Variants in CENPS observed in about 807,000 individuals in gnomAD.
CENPS encodes the protein centromere protein S.
CENPS carries 16 observed loss-of-function variants against 17.9 expected under a neutral mutation model. The ratio of observed to expected loss-of-function variants is 0.90; its 90% CI spans 0.61 to 1.36. The LOEUF is 1.36. CENPS is among the 40% of genes most tolerant of loss of function. CENPS has a pLI of 0.00. For synonymous variants in CENPS, 49 were observed against 55.8 expected, an observed-to-expected ratio of 0.88 and a Z score of 0.54; for missense variants, 160 against 158.6, an observed-to-expected ratio of 1.01 and a Z score of -0.05.
intron 1 of CENPS, among the ~76,000 whole-genome samples, chr1:10,432,942 C>T (rs1366134329): frequency 6.6e-6 from 1 of 152,148 alleles, no homozygotes; most frequent in African/African-American, 2.4e-5. Flanking sequence ...GTCTGAAATT[C>T]AGGAAAGTAG....
chr1:10,438,391 C>A (rs1352124700), intron 3 of CENPS, among the ~76,000 whole-genome samples: 1 of 151,770 alleles, frequency 6.6e-6, no homozygotes, highest in African/African-American at 2.4e-5. Context: ...ATGATCCACC[C>A]ACCTCGGCCT....
chr1:10,432,111 T>G (rs678850), intron 1 of CENPS, among the ~76,000 whole-genome samples: 86,939 of 151,424 alleles, frequency 0.57, 26,111 homozygotes, highest in African/African-American at 0.76. Context: ...TTTTGAAACG[T>G]AGTTTCACTC....
intron 4 of CENPS, 75 bp from the exon 5 acceptor site, chr1:10,442,190 T>C (rs1056136993): frequency 2.0e-6 from 3 of 1,516,440 alleles, no homozygotes; most frequent in Non-Finnish European, 2.6e-6. Flanking sequence ...GTGGAGGGTT[T>C]AGTTTCGTTT....
intron 4 of CENPS, among the ~76,000 whole-genome samples, chr1:10,441,921 G>T (rs577546498): frequency 6.6e-6 from 1 of 151,964 alleles, no homozygotes. Flanking sequence ...CACCGCACCC[G>T]ACCTCTGGCC....
rs1640067308 is a variant in CENPS at position 10,434,638 on chromosome 1, T to A, written c.176-19T>A. 6.2e-7 allele frequency: 1 copy of A among 1,602,534 alleles called. No homozygotes were observed. Among genetic ancestry groups the A allele is most frequent in the African/African-American group, 1.4e-5 (1 of 73,880 alleles). On this transcript the variant is annotated intron_variant, in intron 2 of 4. Coordinates refer to ENST00000309048, the MANE Select transcript of CENPS (RefSeq NM_199294.3). ...GATGGGAGGGTGCCTAAAGTGTGTATCTTTTTTTTCTCTTTCAGAAAATTT... is the reference window on the plus strand; with the variant it reads ...GATGGGAGGGTGCCTAAAGTGTGTAACTTTTTTTTCTCTTTCAGAAAATTT...
intron 1 of CENPS, 150 bp downstream of exon 1, chr1:10,430,718 G>C (rs527659209): frequency 1.7e-5 from 24 of 1,414,786 alleles, no homozygotes; most frequent in Non-Finnish European, 2.2e-5. Flanking sequence ...TAACTGCCGC[G>C]GGTGGTGCTG....
At chr1:10,435,714 T>G (rs372494304) in intron 3 of CENPS, among the ~76,000 whole-genome samples, 12 of 144,122 alleles carry the variant, frequency 8.3e-5, no homozygotes, top group Non-Finnish European at 1.8e-4. Context: ...TATATATATA[T>G]ATACACACAC....
rs1023805007 is a variant in CENPS at position 10,440,986 on chromosome 1, G to A, written c.276+573G>A. Among the ~76,000 whole-genome samples the A allele has an allele frequency of 3.3e-5, 5 of 152,328 alleles. No individual in the cohort carries two copies. The East Asian group carries it at 9.6e-4, about 29-fold the overall frequency. On this transcript the variant is annotated intron_variant, in intron 4 of 4. Transcript: ENST00000309048. ...AGACATTAAAGCACGTGATGGCTGT[G>A]ATAGAATGTGGGCCCCACAAGAGCA...
chr1:10,442,512 AAAAT>A lies in CENPS; in HGVS notation c.*111_*114del, dbSNP rs1640460569. On this transcript the variant is annotated 3_prime_UTR_variant, in exon 5 of 5. Transcript: ENST00000309048. ...GGGTTAAATAGAGATTTAAAAAAAT[AAAAT>A]AAAAAGGCTGGGCTAGGGTGCTTTT... The A allele has an allele frequency of 5.1e-6, 7 of 1,359,972 alleles. No individual in the cohort carries two copies. Among genetic ancestry groups the A allele is most frequent in the Non-Finnish European group, 5.7e-6 (6 of 1,054,422 alleles). 84.2% of individuals were successfully genotyped at this position (1,359,972 alleles called of 1,614,324 possible). A position where few individuals can be genotyped will look rare whatever the true frequency, so the allele number is the denominator to read the frequency against.
intron 3 of CENPS, among the ~76,000 whole-genome samples, chr1:10,435,716 T>TACAC (rs60607643): frequency 9.1e-5 from 13 of 142,570 alleles, no homozygotes; most frequent in Middle Eastern, 3.2e-3. Context: ...TATATATATA[T>TACAC]ACACACACAC....
chr1:10,440,931 CG>C (rs1640379043), intron 4 of CENPS, among the ~76,000 whole-genome samples: 1 of 152,192 alleles, frequency 6.6e-6, no homozygotes, highest in Non-Finnish European at 1.5e-5. Flanking sequence ...GCCAGGACAG[CG>C]GGGAGCTTTC....
Position 10,440,101 on chromosome 1 carries a change from T to A in CENPS, c.210-246T>A, listed in dbSNP as rs1036669139. The A allele has an allele frequency of 5.7e-6, 3 of 525,306 alleles. No individual in the cohort carries two copies. In the African/African-American group the frequency reaches 5.9e-5, roughly 10 times the overall value. The allele number at this position is 525,306 out of a possible 1,614,324, so 32.5% of individuals were successfully genotyped here. On this transcript the variant is annotated intron_variant, in intron 3 of 4. Coordinates refer to ENST00000309048, the MANE Select transcript of CENPS (RefSeq NM_199294.3). Reference sequence around the variant, plus strand: ...CAGCCTCCTGTCTGTGCTCTTATGCTTCGGGTACCCTTGGCCCTAAGCGGA... The same window carrying A: ...CAGCCTCCTGTCTGTGCTCTTATGCATCGGGTACCCTTGGCCCTAAGCGGA...
rs1407293089 is a variant in CENPS at position 10,430,474 on chromosome 1, C to T, written c.-44C>T. 1 of 1,530,540 alleles carries T rather than the reference C, an allele frequency of 6.5e-7. No homozygotes were observed. The highest frequency in any genetic ancestry group is 8.8e-7 in the Non-Finnish European group (1 of 1,139,524). 94.8% of individuals were successfully genotyped at this position (1,530,540 alleles called of 1,614,324 possible). On this transcript the variant is annotated 5_prime_UTR_variant, in exon 1 of 5. Transcript: ENST00000309048. ...ATCCGACCTGGCCGCGCACCACCGC[C>T]CCTTCTCGGCCCTCCTGCGTTTGCC...
At chr1:10,431,078 G>C in intron 1 of CENPS, 2 of 1,379,022 alleles carry the variant, frequency 1.5e-6, no homozygotes, top group Non-Finnish European at 1.9e-6. Context: ...GCCAACTTGT[G>C]ATCGTATCGA....
intron 3 of CENPS, 30 bp from the exon 4 acceptor site, chr1:10,440,317 T>G (rs557068554): frequency 3.7e-6 from 6 of 1,609,200 alleles, no homozygotes; most frequent in Non-Finnish European, 5.1e-6. Flanking sequence ...TACCAAACAT[T>G]TTGGTGACTT....
chr1:10,430,754 C>G, intron 1 of CENPS, 186 bp downstream of exon 1: 1 of 1,401,418 alleles, frequency 7.1e-7, no homozygotes, highest in Non-Finnish European at 9.3e-7. Context: ...GGCAACGCGG[C>G]TGGACCCTGG....
chr1:10,433,881 T>C lies in CENPS; in HGVS notation c.91T>C (p.Cys31Arg). The C allele has an allele frequency of 6.2e-7, 1 of 1,614,216 alleles. No homozygotes were observed. Among genetic ancestry groups the C allele is most frequent in the Non-Finnish European group, 8.5e-7 (1 of 1,180,034 alleles). Reference protein sequence around the residue: ...AAVHYTVGCLCEEVALDKEMQ... With the variant: ...AAVHYTVGCLREEVALDKEMQ... ...AGTTCACTATACTGTGGGTTGTCTT[T>C]GCGAGGAAGTTGCATTGGACAAAGA... Residue 31 changes from cysteine to arginine, a missense_variant, in exon 2 of 5, where the codon TGC becomes CGC. Cys to Arg is a radical substitution (Grantham distance 180). Transcript: ENST00000309048.
chr1:10,435,734 C>CAT lies in CENPS; in HGVS notation c.209+1045_209+1046insTA, dbSNP rs755505784. On this transcript the variant is annotated intron_variant, in intron 3 of 4. Transcript: ENST00000309048. Reference sequence around the variant, plus strand: ...ATATATATACACACACACACACACACACATATACATAAATATTTATATTAG... The same window carrying CAT: ...ATATATATACACACACACACACACACATACATATACATAAATATTTATATTAG... 2.7e-3 allele frequency among the ~76,000 whole-genome samples: 410 copies of CAT among 151,434 alleles called. 3 individuals carry two copies. Among genetic ancestry groups the CAT allele is most frequent in the Non-Finnish European group, 4.4e-3 (301 of 67,800 alleles).
chr1:10,438,862 G>A (rs894671317), intron 3 of CENPS, among the ~76,000 whole-genome samples: 3 of 152,174 alleles, frequency 2.0e-5, no homozygotes, highest in African/African-American at 7.2e-5. Context: ...TAAGAAGAAT[G>A]TAAATACAGA....
Sources: allele counts gnomAD v4.1 joint callset (sites outside exome capture counted in the v4.1 genomes callset), GRCh38; gene constraint gnomAD v4.1.1; transcripts MANE v1.5; gene names NCBI Gene and HGNC (gene_info 2026-07-23, HGNC 2026-07-21).